The following TMCC3 variants were observed in gnomAD, a reference collection of about 807,000 sequenced individuals.
TMCC3 encodes the protein transmembrane and coiled-coil domain protein 3.
A neutral mutation model predicts 40.2 loss-of-function variants in TMCC3; 28 were observed. The ratio of observed to expected loss-of-function variants is 0.70; its 90% confidence interval spans 0.52 to 0.95. The LOEUF is 0.95. TMCC3 is among the 40% of genes least tolerant of loss of function. The probability of loss-of-function intolerance (pLI) is 0.00; values close to 1 mark genes in which losing one functional copy is unlikely to be tolerated. For synonymous variants in TMCC3, 255 were observed against 248.5 expected (o/e 1.03, Z -0.25); for missense variants, 554 against 615.2 (o/e 0.90, Z 1.05).
intron 1 of TMCC3, among the ~76,000 whole-genome samples, 195 bp downstream of exon 1, chr12:94,650,158 A>G (rs1407704757): frequency 2.0e-5 from 3 of 152,162 alleles, no homozygotes; most frequent in Admixed American, 6.5e-5. Flanking sequence ...GGGATCCCAG[A>G]ACCGCAGCCT....
At chr12:94,627,314 A>C (rs565058361) in intron 1 of TMCC3, among the ~76,000 whole-genome samples, 1 of 152,314 alleles carries the variant, frequency 6.6e-6, no homozygotes, top group South Asian at 2.1e-4. Context: ...TCAGCACACT[A>C]GGGGAGGGCT....
intron 1 of TMCC3, among the ~76,000 whole-genome samples, chr12:94,596,916 A>G (rs778377134): frequency 2.0e-5 from 3 of 151,972 alleles, no homozygotes; most frequent in Non-Finnish European, 4.4e-5. Context: ...CACATGTGAG[A>G]GGTCAAATAG....
chr12:94,615,514 T>C (rs755157582), intron 1 of TMCC3, among the ~76,000 whole-genome samples: 1 of 152,208 alleles, frequency 6.6e-6, no homozygotes, highest in African/African-American at 2.4e-5. Context: ...GTCGAAAGAC[T>C]AGATATTAAA....
At chr12:94,642,001 C>T (rs2068993702) in intron 1 of TMCC3, among the ~76,000 whole-genome samples, 1 of 151,714 alleles carries the variant, frequency 6.6e-6, no homozygotes, top group Non-Finnish European at 1.5e-5. Flanking sequence ...TTCCCCAGTG[C>T]CCCCCAAAAA....
At chr12:94,635,697 G>T (rs940287047) in intron 1 of TMCC3, among the ~76,000 whole-genome samples, 1 of 135,338 alleles carries the variant, frequency 7.4e-6, no homozygotes, top group Non-Finnish European at 1.5e-5. Context: ...ACGGAGTCTG[G>T]CTCTGTTGCC....
chr12:94,644,418 G>C lies in TMCC3; in HGVS notation c.78+5935C>G. 6 of 985,418 alleles carry C rather than the reference G, an allele frequency of 6.1e-6. No homozygotes were observed. In the South Asian group the frequency reaches 2.3e-4, roughly 39 times the overall value. 61.0% of individuals were successfully genotyped at this position (985,418 alleles called of 1,614,324 possible). Reference sequence around the variant, plus strand: ...CCTTAGCAGCAGTCCTGGAGATGCCGGCAGAGGGTCTGAAGCAAAATACAC... The same window carrying C: ...CCTTAGCAGCAGTCCTGGAGATGCCCGCAGAGGGTCTGAAGCAAAATACAC... On this transcript the variant is annotated intron_variant, in intron 1 of 3. Coordinates refer to ENST00000261226, the MANE Select transcript of TMCC3 (RefSeq NM_020698.4).
intron 1 of TMCC3, among the ~76,000 whole-genome samples, chr12:94,634,436 G>T (rs770947774): frequency 5.9e-4 from 89 of 151,942 alleles, no homozygotes; most frequent in Admixed American, 4.6e-4. Context: ...AAAGTCTGTT[G>T]GAATGGTAGG....
chr12:94,641,562 T>C (rs915369015), intron 1 of TMCC3, among the ~76,000 whole-genome samples: 2 of 152,188 alleles, frequency 1.3e-5, no homozygotes, highest in Non-Finnish European at 2.9e-5. Context: ...GTCCTGTCTT[T>C]CCCCTAGTGT....
At chr12:94,631,367 T>C (rs2068932716) in intron 1 of TMCC3, among the ~76,000 whole-genome samples, 1 of 152,150 alleles carries the variant, frequency 6.6e-6, no homozygotes, top group Non-Finnish European at 1.5e-5. Flanking sequence ...ATAGGGACTT[T>C]AAAGAGGTAA....
At position 94,650,440 on chromosome 12, in the gene TMCC3, C is replaced by G. The variant is rs1457814250; in HGVS notation, c.-10G>C. On this transcript the variant is annotated 5_prime_UTR_variant, in exon 1 of 4. Transcript: ENST00000261226. ...TGTCGCTGCCCGGCATCTCCGCGCT[C>G]CGGCCGCGAACTTTCCCGTCTTCTG... The G allele has an allele frequency of 1.6e-6, 2 of 1,288,180 alleles. No homozygotes were observed. Among genetic ancestry groups the G allele is most frequent in the Admixed American group, 7.3e-5 (2 of 27,502 alleles). The allele number at this position is 1,288,180 out of a possible 1,614,324, so 79.8% of individuals were successfully genotyped here.
intron 1 of TMCC3, among the ~76,000 whole-genome samples, chr12:94,597,117 TAA>T (rs1265233755): frequency 1.3e-5 from 1 of 79,298 alleles, no homozygotes; most frequent in Non-Finnish European, 2.4e-5. Flanking sequence ...CTGTCTCTAT[TAA>T]AATACATATA....
At chr12:94,598,417 A>C (rs2068731185) in intron 1 of TMCC3, 2 of 177,026 alleles carry the variant, frequency 1.1e-5, no homozygotes, top group Admixed American at 6.5e-5. Context: ...ATAGAGAAAC[A>C]GAAGAACAAA....
chr12:94,590,840 C>T (rs780695266), intron 1 of TMCC3: 16 of 527,304 alleles, frequency 3.0e-5, no homozygotes, highest in East Asian at 1.9e-4. Context: ...GATGTGCACC[C>T]GCAACAAACT....
chr12:94,607,494 T>C (rs1450769998), intron 1 of TMCC3, among the ~76,000 whole-genome samples: 6 of 152,198 alleles, frequency 3.9e-5, no homozygotes, highest in Non-Finnish European at 7.3e-5. Context: ...AAGTATTAAT[T>C]TTGGGAACTT....
chr12:94,584,094 G>A lies in TMCC3; in HGVS notation c.79-1556C>T, dbSNP rs187627580. Among the ~76,000 whole-genome samples the A allele has an allele frequency of 3.7e-4, 56 of 152,180 alleles. 1 individual carries two copies. The highest frequency in any genetic ancestry group is 1.3e-3 in the African/African-American group (53 of 41,514). On this transcript the variant is annotated intron_variant, in intron 1 of 3. Coordinates refer to ENST00000261226, the MANE Select transcript of TMCC3 (RefSeq NM_020698.4). ...ATCTCCCACTAAGTGATATGGTTTG[G>A]ATCTGTGTCCCTATCCAAATCTCAT...
intron 1 of TMCC3, among the ~76,000 whole-genome samples, chr12:94,614,188 T>C (rs1292002881): frequency 1.3e-5 from 2 of 152,146 alleles, no homozygotes; most frequent in African/African-American, 4.8e-5. Context: ...GAATGTCTTC[T>C]GTCAATCCTA....
chr12:94,586,514 TG>T (rs760484113), intron 1 of TMCC3, among the ~76,000 whole-genome samples: 16 of 152,262 alleles, frequency 1.1e-4, no homozygotes, highest in Non-Finnish European at 1.5e-5. Context: ...TTTGCCCTCC[TG>T]GAGCTCACAG....
intron 1 of TMCC3, among the ~76,000 whole-genome samples, chr12:94,612,563 G>A (rs2068822890): frequency 6.6e-6 from 1 of 152,104 alleles, no homozygotes; most frequent in Non-Finnish European, 1.5e-5. Flanking sequence ...ACCCGCCTCG[G>A]CCCCCAAAGT....
rs758100994 is a variant in TMCC3, at chr12:94,623,225, G to GA, written c.78+27127dup. Among the ~76,000 whole-genome samples, 438 of 142,604 alleles carry GA rather than the reference G, an allele frequency of 3.1e-3. 1 individual carries two copies. Among genetic ancestry groups the GA allele is most frequent in the East Asian group, 0.023 (116 of 4,942 alleles). The allele number at this position is 142,604 out of a possible 152,430, so 93.6% of individuals were successfully genotyped here. A position where few individuals can be genotyped will look rare whatever the true frequency, so the allele number is the denominator to read the frequency against. ...TTCTGGACCTGGACTAAATCTGCAG[G>GA]AAAAAAAAAAAAAATCTGAGACTAA... On this transcript the variant is annotated intron_variant, in intron 1 of 3. Coordinates refer to ENST00000261226, the MANE Select transcript of TMCC3 (RefSeq NM_020698.4).
Sources: allele counts gnomAD v4.1 joint callset (sites outside exome capture counted in the v4.1 genomes callset), GRCh38; gene constraint gnomAD v4.1.1; transcripts MANE v1.5; gene names NCBI Gene and HGNC (gene_info 2026-07-23, HGNC 2026-07-21).